AGO2: variants seen among roughly 807,000 people sequenced by gnomAD.
AGO2 encodes the protein protein argonaute-2.
In AGO2, 5 loss-of-function variants were observed where a neutral mutation model predicts 102.3. That is an observed-to-expected ratio of 0.05 (90% CI 0.03 to 0.10). AGO2 has a LOEUF of 0.10. Among genes scored for constraint, AGO2 ranks in the 10% least tolerant of loss-of-function variants. The pLI, the probability that AGO2 is intolerant of heterozygous loss-of-function variation, is 1.00. For missense variants in AGO2, 541 were observed against 1,183.7 expected (o/e 0.46, Z 7.97); for synonymous variants, 449 against 473.1 (o/e 0.95, Z 0.66).
rs139251101 is a variant in AGO2, at chr8:140,541,194, G to A, written c.2004C>T (p.Arg668=). ...RFKPTRIIFY[R]DGVSEGQFQQ... ...GGAACTGGCCTTCAGAGACACCGTC[G>A]CGGTAGAAGATGATGCGGGTGGGCT... The change falls in exon 15 of 19, where the codon CGC becomes CGT. Residue 668 remains arginine (R), a synonymous_variant. Coordinates refer to ENST00000220592, the MANE Select transcript of AGO2 (RefSeq NM_012154.5). The A allele has an allele frequency of 7.8e-5, 124 of 1,583,022 alleles. No homozygotes were observed. The African/African-American group carries it at 1.4e-3, about 17-fold the overall frequency.
Position 140,540,425 on chromosome 8 carries a change from G to A in AGO2, c.2034+739C>T, listed in dbSNP as rs943391096. ...TCTTGCTAACACCTCCCAAGGAAGCGACCGTGTGGCATGGCGAGGGGTGGG... is the reference window on the plus strand; with the variant it reads ...TCTTGCTAACACCTCCCAAGGAAGCAACCGTGTGGCATGGCGAGGGGTGGG... On this transcript the variant is annotated intron_variant, in intron 15 of 18. Transcript: ENST00000220592. The surrounding 1 kb of genome is among the most constrained non-coding windows in gnomAD (Gnocchi z 5.0). Among the ~76,000 whole-genome samples the A allele has an allele frequency of 5.3e-5, 8 of 152,182 alleles. No homozygotes were observed. Among genetic ancestry groups the A allele is most frequent in the African/African-American group, 1.2e-4 (5 of 41,456 alleles).
At chr8:140,565,083 G>A (rs1194571082) in intron 3 of AGO2, among the ~76,000 whole-genome samples, 1 of 151,754 alleles carries the variant, frequency 6.6e-6, no homozygotes, top group Non-Finnish European at 1.5e-5. Flanking sequence ...GCAGTGAGCC[G>A]AGATCGCACC....
chr8:140,614,319 G>A (rs899435403), intron 1 of AGO2, among the ~76,000 whole-genome samples: 21 of 152,148 alleles, frequency 1.4e-4, no homozygotes, highest in African/African-American at 5.1e-4. Context: ...GTGAGACTCC[G>A]TCTCAAAACA....
chr8:140,616,528 TA>T (rs1284445716), intron 1 of AGO2, among the ~76,000 whole-genome samples: 3 of 152,272 alleles, frequency 2.0e-5, no homozygotes, highest in African/African-American at 7.2e-5. Context: ...TAAATTATAA[TA>T]AAATACAATG....
At chr8:140,607,478 A>G (rs2074016573) in intron 1 of AGO2, among the ~76,000 whole-genome samples, 1 of 18,278 alleles carries the variant, frequency 5.5e-5, no homozygotes, top group Non-Finnish European at 1.1e-4. Flanking sequence ...ATATATATAT[A>G]TATATATATA....
chr8:140,591,791 G>C (rs1233406590), intron 1 of AGO2: 1 of 152,118 alleles, frequency 6.6e-6, no homozygotes, highest in Non-Finnish European at 1.5e-5. Context: ...CATCCTCTTT[G>C]ATCCACCATC....
intron 1 of AGO2, among the ~76,000 whole-genome samples, chr8:140,621,016 G>C (rs893104501): frequency 6.6e-6 from 1 of 152,102 alleles, no homozygotes; most frequent in Non-Finnish European, 1.5e-5. Context: ...GGGTTCAAGC[G>C]ATCTCCCTGC....
chr8:140,612,879 A>AT (rs939094744), intron 1 of AGO2, among the ~76,000 whole-genome samples: 28 of 147,878 alleles, frequency 1.9e-4, no homozygotes, highest in Admixed American at 3.4e-4. Context: ...ATGAGGCCAG[A>AT]TTTTTTTTTT....
chr8:140,583,297 G>A (rs1588477927), intron 2 of AGO2, among the ~76,000 whole-genome samples: 1 of 152,184 alleles, frequency 6.6e-6, no homozygotes, highest in Non-Finnish European at 1.5e-5. Flanking sequence ...CTTGTAAATG[G>A]CCTGCTGTGG....
At chr8:140,548,370 G>A (rs1485427235) in intron 12 of AGO2, among the ~76,000 whole-genome samples, 1 of 149,848 alleles carries the variant, frequency 6.7e-6, no homozygotes, top group Non-Finnish European at 1.5e-5. Flanking sequence ...ACACCACGGC[G>A]CCCTGGCTGT....
intron 14 of AGO2, among the ~76,000 whole-genome samples, chr8:140,541,907 C>CAAAAA (rs1319139068): frequency 8.2e-4 from 124 of 151,754 alleles, no homozygotes; most frequent in Admixed American, 7.9e-3. Flanking sequence ...ATCTCAAAAA[C>CAAAAA]AAAAACAAAA....
intron 3 of AGO2, among the ~76,000 whole-genome samples, chr8:140,565,452 A>C (rs2073267129): frequency 1.3e-5 from 2 of 148,980 alleles, no homozygotes; most frequent in South Asian, 2.1e-4. Context: ...AAAAAAAAAA[A>C]ACCCAAAAAC....
intron 11 of AGO2, among the ~76,000 whole-genome samples, chr8:140,549,650 T>C (rs1456181145): frequency 1.3e-5 from 2 of 152,262 alleles, no homozygotes; most frequent in Non-Finnish European, 1.5e-5. Flanking sequence ...CCCGTAAAGC[T>C]GCTGAGCAGC....
chr8:140,585,379 G>A (rs908170140), intron 1 of AGO2, 68 bp from the exon 2 acceptor site: 34 of 1,525,688 alleles, frequency 2.2e-5, no homozygotes, highest in African/African-American at 2.1e-4. Context: ...CCCATCCCGC[G>A]GCCCCAAGCC....
chr8:140,608,142 C>T (rs2074029110), intron 1 of AGO2, among the ~76,000 whole-genome samples: 1 of 152,180 alleles, frequency 6.6e-6, no homozygotes. Context: ...CTTGTGAGCT[C>T]TGTCTGGAGA....
chr8:140,522,710 G>A lies in AGO2; in HGVS notation c.*9334C>T, dbSNP rs2072436252. ...AGAGACAGAGACAGAGAGAGGGAGG[G>A]GGAGGGGGGAGAGGGGGAGAGAGAG... On this transcript the variant is annotated 3_prime_UTR_variant, in exon 19 of 19. Coordinates refer to ENST00000220592, the MANE Select transcript of AGO2 (RefSeq NM_012154.5). 7.8e-6 allele frequency: 1 copy of A among 128,614 alleles called. No individual in the cohort carries two copies. Among genetic ancestry groups the A allele is most frequent in the Non-Finnish European group, 1.7e-5 (1 of 59,594 alleles). 8.0% of individuals were successfully genotyped at this position (128,614 alleles called of 1,614,324 possible).
Position 140,635,581 on chromosome 8 carries a change from G to A in AGO2, c.-75C>T. On this transcript the variant is annotated 5_prime_UTR_variant, in exon 1 of 19. Coordinates refer to ENST00000220592, the MANE Select transcript of AGO2 (RefSeq NM_012154.5). ...CACGGGCCCCGACGCCGCGAGCCGC[G>A]AGGGAGCCGCCGGCCGCACGATCCG... 1.1e-6 allele frequency: 1 copy of A among 948,146 alleles called. No individual in the cohort carries two copies. Among genetic ancestry groups the A allele is most frequent in the Non-Finnish European group, 1.3e-6 (1 of 798,972 alleles). The allele number at this position is 948,146 out of a possible 1,614,324, so 58.7% of individuals were successfully genotyped here. A position where few individuals can be genotyped will look rare whatever the true frequency, so the allele number is the denominator to read the frequency against.
At chr8:140,566,039 A>C (rs936339891) in intron 3 of AGO2, among the ~76,000 whole-genome samples, 2 of 152,206 alleles carry the variant, frequency 1.3e-5, no homozygotes, top group East Asian at 3.8e-4. Flanking sequence ...GTTTCAAAAA[A>C]AAAAAAAAAG....
chr8:140,563,585 A>G (rs1588461029), intron 3 of AGO2, among the ~76,000 whole-genome samples: 3 of 152,300 alleles, frequency 2.0e-5, no homozygotes, highest in Admixed American at 2.0e-4. Context: ...ACTTAAAAAA[A>G]TAACCCAAGG....
Sources: allele counts gnomAD v4.1 joint callset (sites outside exome capture counted in the v4.1 genomes callset), GRCh38; gene constraint gnomAD v4.1.1; non-coding constraint Gnocchi (gnomAD v3.1); transcripts MANE v1.5; gene names NCBI Gene and HGNC (gene_info 2026-07-23, HGNC 2026-07-21).